Variants in PDE1C observed in about 807,000 individuals in gnomAD.
PDE1C encodes phosphodiesterase 1C, also known as dual specificity calcium/calmodulin-dependent 3',5'-cyclic nucleotide phosphodiesterase 1C.
In PDE1C, 62 loss-of-function variants were observed where a neutral mutation model predicts 93.1. That is an observed-to-expected ratio of 0.67 (90% CI 0.54 to 0.82). The LOEUF is 0.82. PDE1C is among the 40% of genes least tolerant of loss of function. The probability of loss-of-function intolerance (pLI) is 0.00; values close to 1 mark genes in which losing one functional copy is unlikely to be tolerated. For missense variants in PDE1C, 742 were observed against 884.6 expected (o/e 0.84, Z 2.04); for synonymous variants, 325 against 310.1 (o/e 1.05, Z -0.50).
intron 14 of PDE1C, among the ~76,000 whole-genome samples, chr7:31,819,182 C>T (rs190503330): frequency 6.6e-6 from 1 of 152,132 alleles, no homozygotes; most frequent in Admixed American, 6.6e-5. Flanking sequence ...CAATTTCCAT[C>T]TCTTAGTCAC....
intron 1 of PDE1C, among the ~76,000 whole-genome samples, chr7:32,246,415 C>A (rs1339833709): frequency 6.7e-6 from 1 of 148,162 alleles, no homozygotes; most frequent in African/African-American, 2.5e-5. Flanking sequence ...TCTCCTACCC[C>A]CAAGCCAACT....
At chr7:31,696,950 C>T in the PDE1C span, 5 of 1,612,814 alleles carry the variant, frequency 3.1e-6, no homozygotes, top group South Asian at 4.4e-5. Context: ...TCTCTGTGTT[C>T]CCCTAACCAT....
intron 2 of PDE1C, among the ~76,000 whole-genome samples, chr7:32,007,061 A>G (rs1167506384): frequency 2.0e-5 from 3 of 152,244 alleles, no homozygotes; most frequent in Non-Finnish European, 4.4e-5. Flanking sequence ...TTTTTATGAC[A>G]TTTAAGTACA....
chr7:32,194,088 G>T (rs1246354454), intron 2 of PDE1C, among the ~76,000 whole-genome samples: 3 of 151,782 alleles, frequency 2.0e-5, no homozygotes, highest in Non-Finnish European at 4.4e-5. Context: ...TAATTTTTTT[G>T]TATTTTTAGT....
intron 3 of PDE1C, among the ~76,000 whole-genome samples, chr7:32,082,177 A>G (rs1477431880): frequency 6.6e-6 from 1 of 152,260 alleles, no homozygotes; most frequent in African/African-American, 2.4e-5. Flanking sequence ...CGCTTTTCCG[A>G]CGGGCTTAAA....
At chr7:31,749,940 A>G (rs1032555349), downstream of PDE1C, among the ~76,000 whole-genome samples, 8 of 151,778 alleles carry the variant, frequency 5.3e-5, no homozygotes, top group African/African-American at 1.7e-4. Flanking sequence ...GTTTCACCAT[A>G]TTGGATAGGC....
At chr7:31,671,268 T>C in the PDE1C span, among the ~76,000 whole-genome samples, 17 of 152,132 alleles carry the variant, frequency 1.1e-4, no homozygotes, top group Non-Finnish European at 1.9e-4. Flanking sequence ...GGCACCTCCG[T>C]AGATTCTGCC....
rs201554908 is a variant in PDE1C, at chr7:31,807,370, C to CAA, written c.1891+1659_1891+1660dup. ...CAATCAAACTTTACACTTATTTGCA[C>CAA]AATAGAACATAAAATCTATTTTATC... On this transcript the variant is annotated intron_variant, in intron 16 of 17. Coordinates refer to ENST00000396191, the MANE Select transcript of PDE1C (RefSeq NM_001191057.4). Among the ~76,000 whole-genome samples, 464 of 151,944 alleles carry CAA rather than the reference C, an allele frequency of 3.1e-3. 6 individuals are homozygous for CAA. Among genetic ancestry groups the CAA allele is most frequent in the African/African-American group, 0.011 (441 of 41,480 alleles).
chr7:31,972,558 A>G (rs779730705), intron 2 of PDE1C, among the ~76,000 whole-genome samples: 2 of 152,198 alleles, frequency 1.3e-5, no homozygotes, highest in Non-Finnish European at 2.9e-5. Flanking sequence ...AATATTTTAG[A>G]AAAAGTAATG....
chr7:31,946,333 G>T (rs181758310), intron 2 of PDE1C, among the ~76,000 whole-genome samples: 1 of 152,198 alleles, frequency 6.6e-6, no homozygotes, highest in African/African-American at 2.4e-5. Flanking sequence ...CAAGCTCTGT[G>T]CCAAAGGGTG....
intron 1 of PDE1C, among the ~76,000 whole-genome samples, chr7:32,316,606 G>GA (rs1783178341): frequency 6.6e-6 from 1 of 152,162 alleles, no homozygotes; most frequent in Non-Finnish European, 1.5e-5. Context: ...CATGTGTGGG[G>GA]AAAGCACAAA....
chr7:32,302,081 G>A (rs1182762841), upstream of PDE1C, among the ~76,000 whole-genome samples: 1 of 152,174 alleles, frequency 6.6e-6, no homozygotes, highest in Admixed American at 6.5e-5. Flanking sequence ...CCATTGTTCA[G>A]TAGCTGTGCC....
At chr7:31,896,413 A>G (rs946670373) in intron 2 of PDE1C, among the ~76,000 whole-genome samples, 6 of 152,158 alleles carry the variant, frequency 3.9e-5, no homozygotes, top group African/African-American at 1.2e-4. Flanking sequence ...GTTCACTCCT[A>G]CTAGCTCTTT....
At chr7:31,880,221 A>G (rs921450835) in intron 3 of PDE1C, among the ~76,000 whole-genome samples, 2 of 152,220 alleles carry the variant, frequency 1.3e-5, no homozygotes, top group Non-Finnish European at 2.9e-5. Flanking sequence ...AAACGTATGT[A>G]GTAACTGAAA....
At chr7:32,159,273 A>G (rs1801764692) in intron 3 of PDE1C, among the ~76,000 whole-genome samples, 1 of 152,180 alleles carries the variant, frequency 6.6e-6, no homozygotes, top group African/African-American at 2.4e-5. Flanking sequence ...GAAAAGGATC[A>G]TTTTCCTCTA....
At chr7:31,620,325 CT>C in the PDE1C span, among the ~76,000 whole-genome samples, 1 of 152,134 alleles carries the variant, frequency 6.6e-6, no homozygotes, top group Non-Finnish European at 1.5e-5. Flanking sequence ...TCCCTGACCC[CT>C]GACCCCTGAG....
At chr7:32,033,723 G>T (rs1584531408) in intron 2 of PDE1C, among the ~76,000 whole-genome samples, 1 of 152,062 alleles carries the variant, frequency 6.6e-6, no homozygotes, top group Admixed American at 6.6e-5. Context: ...GTCATGGCTT[G>T]CTTCTAATTC....
At chr7:31,698,127 A>G in the PDE1C span, among the ~76,000 whole-genome samples, 1 of 152,202 alleles carries the variant, frequency 6.6e-6, no homozygotes, top group African/African-American at 2.4e-5. Context: ...CATTATAGGA[A>G]CAGAAGAAAC....
At chr7:32,420,156 CACATATATATGTGTATATATAT>C (rs1472139823) in intron 1 of PDE1C, among the ~76,000 whole-genome samples, 9 of 48,206 alleles carry the variant, frequency 1.9e-4, no homozygotes, top group East Asian at 1.0e-3. Context: ...CACACACACA[CACATATATATGTGTATATATAT>C]ACACATATAT....
Sources: allele counts gnomAD v4.1 joint callset (sites outside exome capture counted in the v4.1 genomes callset), GRCh38; gene constraint gnomAD v4.1.1; transcripts MANE v1.5; gene names NCBI Gene and HGNC (gene_info 2026-07-23, HGNC 2026-07-21).